NBPF10: variants seen among roughly 807,000 people sequenced by gnomAD.
NBPF10 encodes NBPF member 10, also known as NBPF family member NBPF10.
In NBPF10, 63 loss-of-function variants were observed where a neutral mutation model predicts 77.9. The observed-to-expected ratio is 0.81, with a 90% CI of 0.66 to 1.00. The LOEUF (loss-of-function observed/expected upper bound fraction) is 1.00, where lower values mean the gene tolerates loss of function less well. Ranked by LOEUF, NBPF10 falls within the 50% of genes least tolerant of loss-of-function variation. The probability of loss-of-function intolerance (pLI) is 0.00; values close to 1 mark genes in which losing one functional copy is unlikely to be tolerated. For missense variants in NBPF10, 522 were observed against 679.8 expected (o/e 0.77, Z 2.58); for synonymous variants, 146 against 264.5 (o/e 0.55, Z 4.35).
intron 71 of NBPF10, among the ~76,000 whole-genome samples, 161 bp downstream of exon 71, chr1:146,081,275 C>G (rs1656301641): frequency 0.015 from 128 of 8,712 alleles, no homozygotes; most frequent in Admixed American, 0.038. Context: ...GAAATGGAAA[C>G]CTAAATATCT....
Position 146,126,518 on chromosome 1 carries a change from G to A in NBPF10, c.1854-110C>T, listed in dbSNP as rs587707805. 583 of 716,006 alleles carry A rather than the reference G, an allele frequency of 8.1e-4. 7 individuals carry two copies. In the African/African-American group the frequency reaches 9.1e-3, roughly 11 times the overall value. The allele number at this position is 716,006 out of a possible 1,614,324, so 44.4% of individuals were successfully genotyped here. A position where few individuals can be genotyped will look rare whatever the true frequency, so the allele number is the denominator to read the frequency against. On this transcript the variant is annotated intron_variant, in intron 13 of 89. Coordinates refer to ENST00000583866, the Ensembl canonical transcript of NBPF10. ...GAAGAGTTTGAAAAGAAAAAGGACA[G>A]ATCCATTAATGAGGTAACAAATTAT...
chr1:146,121,953 C>A (rs1450143917), intron 19 of NBPF10, among the ~76,000 whole-genome samples: 149 of 133,234 alleles, frequency 1.1e-3, no homozygotes, highest in Non-Finnish European at 1.7e-3. Context: ...TCAAAGGACA[C>A]TCTGAGTTAG....
intron 8 of NBPF10, 80 bp from the exon 9 acceptor site, chr1:146,134,345 C>A: frequency 8.4e-7 from 1 of 1,191,680 alleles, no homozygotes; most frequent in South Asian, 1.2e-5. Context: ...GCAACAGAGA[C>A]ATGAACATCT....
At chr1:146,135,970 T>C (rs1289545566) in intron 7 of NBPF10, among the ~76,000 whole-genome samples, 3 of 149,276 alleles carry the variant, frequency 2.0e-5, no homozygotes, top group Non-Finnish European at 4.4e-5. Context: ...GAAGGCAACA[T>C]TGATTGAGTG....
In NBPF10 at chr1:146,140,403, C is replaced by G. The variant is rs1280610725; in HGVS notation, c.566+81G>C. On this transcript the variant is annotated intron_variant, in intron 4 of 89. Transcript: ENST00000583866. ...AAGGGAATGCGGGCATTTGGCCCAT[C>G]ATAGATGCCAGAGAGGGTGTGCCTC... 1.4e-5 allele frequency: 11 copies of G among 772,318 alleles called. 2 individuals carry two copies. Among genetic ancestry groups the G allele is most frequent in the South Asian group, 7.4e-5 (4 of 54,166 alleles). The allele number at this position is 772,318 out of a possible 1,614,324, so 47.8% of individuals were successfully genotyped here.
rs1360442618 is a variant in NBPF10, at chr1:146,067,368, C to A, written c.11036-80G>T. 4 of 390,390 alleles carry A rather than the reference C, an allele frequency of 1.0e-5. 1 individual carries two copies. The African/African-American group carries it at 1.7e-4, about 17-fold the overall frequency. The allele number at this position is 390,390 out of a possible 1,614,324, so 24.2% of individuals were successfully genotyped here. ...AAAAATCCACTGTCTAATCCTCACACAGGGACCTCAGGCTCCTCAGCATAA... is the reference window on the plus strand; with the variant it reads ...AAAAATCCACTGTCTAATCCTCACAAAGGGACCTCAGGCTCCTCAGCATAA... On this transcript the variant is annotated intron_variant, in intron 88 of 89. Coordinates refer to ENST00000583866, the Ensembl canonical transcript of NBPF10.
chr1:146,126,603 A>G (rs1311068265), intron 13 of NBPF10, among the ~76,000 whole-genome samples, 195 bp from the exon 14 acceptor site: 4 of 48,922 alleles, frequency 8.2e-5, no homozygotes, highest in African/African-American at 4.4e-5. Flanking sequence ...AAAGACACAC[A>G]CACACACACA....
chr1:146,141,755 C>A, exon 3 of NBPF10: 1 of 1,339,074 alleles, frequency 7.5e-7, no homozygotes, highest in Non-Finnish European at 1.0e-6. Context: ...CTCTCCCTTC[C>A]CGTAACTTCT....
rs1659773480 is a variant in NBPF10, at chr1:146,136,931, T to C, written c.989-476A>G. Among the ~76,000 whole-genome samples, 6 of 149,670 alleles carry C rather than the reference T, an allele frequency of 4.0e-5. No homozygotes were observed. The South Asian group carries it at 1.1e-3, about 28-fold the overall frequency. ...TTTAAAATCTTTGATTTTTAAATCA[T>C]ATCTTCAGTTATGATTTTAAGAATC... On this transcript the variant is annotated intron_variant, in intron 6 of 89. Transcript: ENST00000583866.
exon 12 of NBPF10, chr1:146,128,257 C>T (rs371550307): frequency 3.6e-6 from 2 of 563,172 alleles, no homozygotes; most frequent in Non-Finnish European, 6.0e-6. Flanking sequence ...TGGGGGACTT[C>T]CTCCTCTTCA....
At chr1:146,142,822 C>G in intron 1 of NBPF10, 70 bp from the exon 2 acceptor site, 1 of 807,692 alleles carries the variant, frequency 1.2e-6, no homozygotes, top group East Asian at 3.1e-5. Context: ...GCCTACAGGG[C>G]AGGAGCCAGG....
intron 5 of NBPF10, among the ~76,000 whole-genome samples, chr1:146,139,529 G>A: frequency 6.9e-6 from 1 of 144,736 alleles, no homozygotes; most frequent in Non-Finnish European, 1.5e-5. Flanking sequence ...CTGAGCAGTT[G>A]GGACTATAGG....
chr1:146,132,620 C>A (rs1373617638), intron 10 of NBPF10, among the ~76,000 whole-genome samples: 1 of 1,046 alleles, frequency 9.6e-4, no homozygotes, highest in African/African-American at 2.4e-3. Context: ...ACATGAAACA[C>A]GACTGATAGA....
At position 146,066,582 on chromosome 1, in the gene NBPF10, A is replaced by C. The variant is rs200086827; in HGVS notation, c.11145-21T>G. The C allele has an allele frequency of 1.8e-4, 113 of 636,362 alleles. No homozygotes were observed. The East Asian group carries it at 3.2e-3, about 18-fold the overall frequency. 39.4% of individuals were successfully genotyped at this position (636,362 alleles called of 1,614,324 possible). A position where few individuals can be genotyped will look rare whatever the true frequency, so the allele number is the denominator to read the frequency against. On this transcript the variant is annotated intron_variant, in intron 89 of 89. Coordinates refer to ENST00000583866, the Ensembl canonical transcript of NBPF10. ...TGAGCCTGGAAAAGGAGACAAAACT[A>C]AAGAAGCAGCCAGGGAAAATCAGAC...
intron 85 of NBPF10, among the ~76,000 whole-genome samples, chr1:146,069,920 A>T (rs1242409263): frequency 7.5e-5 from 8 of 107,030 alleles, no homozygotes; most frequent in African/African-American, 2.5e-4. Flanking sequence ...AGAGACAGAG[A>T]CAGAGACAGA....
intron 88 of NBPF10, 111 bp from the exon 89 acceptor site, chr1:146,067,399 G>A: frequency 3.0e-6 from 1 of 337,256 alleles, no homozygotes; most frequent in Non-Finnish European, 5.2e-6. Context: ...CATAAGAATA[G>A]GACACTGTGA....
chr1:146,136,052 A>G (rs1437505944), intron 7 of NBPF10, among the ~76,000 whole-genome samples: 2 of 148,446 alleles, frequency 1.3e-5, no homozygotes, highest in Non-Finnish European at 3.0e-5. Context: ...ATGGCACACC[A>G]TTTTGAGTAT....
intron 2 of NBPF10, 78 bp from the exon 3 acceptor site, chr1:146,141,896 G>A (rs1660341826): frequency 8.6e-7 from 1 of 1,163,590 alleles, no homozygotes; most frequent in Non-Finnish European, 1.3e-6. Context: ...AGAGACTTCT[G>A]AGACAATGTC....
chr1:146,139,245 G>A (rs6682858), intron 5 of NBPF10, among the ~76,000 whole-genome samples: 582 of 148,002 alleles, frequency 3.9e-3, no homozygotes, highest in Non-Finnish European at 5.4e-3. Flanking sequence ...GACTACAGGC[G>A]CCCACCACCA....
Sources: gnomAD v4.1 joint callset for allele counts (sites outside exome capture counted in the v4.1 genomes callset) on GRCh38, gnomAD v4.1.1 for gene constraint, MANE v1.5 for transcripts, NCBI Gene and HGNC (gene_info 2026-07-23, HGNC 2026-07-21) for gene names.